Variants in RAB12 observed in about 807,000 individuals in gnomAD.
The protein encoded by RAB12 is ras-related protein Rab-12.
Under a neutral mutation model 28.4 loss-of-function variants are expected in RAB12, and 11 were observed. That is an observed-to-expected ratio of 0.39 (90% CI 0.24 to 0.64). RAB12 has a LOEUF of 0.64. Ranked by LOEUF, RAB12 falls within the 30% of genes least tolerant of loss-of-function variation. RAB12 has a pLI of 0.50. For missense variants in RAB12, 276 were observed against 351.1 expected, an observed-to-expected ratio of 0.79 and a Z score of 1.71; for synonymous variants, 138 against 145.3, an observed-to-expected ratio of 0.95 and a Z score of 0.36.
chr18:8,618,577 T>C (rs1477918779), intron 1 of RAB12, among the ~76,000 whole-genome samples: 1 of 151,942 alleles, frequency 6.6e-6, no homozygotes, highest in Non-Finnish European at 1.5e-5. Flanking sequence ...TGGCGCGATA[T>C]TGGCTCACTG....
chr18:8,637,582 T>A (rs987141464), intron 5 of RAB12, among the ~76,000 whole-genome samples: 1 of 152,292 alleles, frequency 6.6e-6, no homozygotes, highest in South Asian at 2.1e-4. Context: ...TACTTTTTTT[T>A]ATATAATTGT....
At position 8,610,098 on chromosome 18, in the gene RAB12, G is replaced by T. The variant is rs573683177; in HGVS notation, c.514+145G>T. On this transcript the variant is annotated intron_variant, in intron 1 of 5. Coordinates refer to ENST00000649141, the MANE Select transcript of RAB12 (RefSeq NM_001025300.3). ...AACTAGGGGCGGGGGTCTCCTTGGAGCGCCCTGCATCCCAATCCCAAAGCC... is the reference window on the plus strand; with the variant it reads ...AACTAGGGGCGGGGGTCTCCTTGGATCGCCCTGCATCCCAATCCCAAAGCC... 384 of 613,976 alleles carry T rather than the reference G, an allele frequency of 6.3e-4. 3 individuals are homozygous for T. Among genetic ancestry groups the T allele is most frequent in the South Asian group, 5.5e-3 (284 of 51,742 alleles). The allele number at this position is 613,976 out of a possible 1,614,324, so 38.0% of individuals were successfully genotyped here. A position where few individuals can be genotyped will look rare whatever the true frequency, so the allele number is the denominator to read the frequency against.
At chr18:8,637,362 C>A (rs1567898217) in intron 5 of RAB12, among the ~76,000 whole-genome samples, 3 of 151,372 alleles carry the variant, frequency 2.0e-5, no homozygotes, top group African/African-American at 7.3e-5. Context: ...GAATGCAGAC[C>A]ATTTTTAAAA....
chr18:8,624,581 GA>G (rs2096011662), intron 1 of RAB12, among the ~76,000 whole-genome samples: 1 of 152,156 alleles, frequency 6.6e-6, no homozygotes, highest in Middle Eastern at 3.2e-3. Context: ...TTTTCCCTGA[GA>G]AAACATCCTT....
chr18:8,614,049 ATCTT>A (rs1261047010), intron 1 of RAB12, among the ~76,000 whole-genome samples: 1 of 152,204 alleles, frequency 6.6e-6, no homozygotes, highest in Non-Finnish European at 1.5e-5. Context: ...CTTTTTAACT[ATCTT>A]TCTGTCTGTT....
chr18:8,627,321 C>G (rs915696909), intron 2 of RAB12, among the ~76,000 whole-genome samples: 13 of 152,184 alleles, frequency 8.5e-5, no homozygotes, highest in African/African-American at 3.1e-4. Flanking sequence ...GATAGCTCTG[C>G]TCCGATTTTC....
chr18:8,615,827 C>T (rs181961059), intron 1 of RAB12, among the ~76,000 whole-genome samples: 1 of 152,270 alleles, frequency 6.6e-6, no homozygotes, highest in East Asian at 1.9e-4. Context: ...GTGCATTCAG[C>T]CTTTCACTGT....
chr18:8,625,214 A>C (rs966381266), intron 2 of RAB12, among the ~76,000 whole-genome samples: 3 of 152,264 alleles, frequency 2.0e-5, no homozygotes, highest in Non-Finnish European at 4.4e-5. Context: ...AGTTGTGGAC[A>C]GAAGAATGTT....
In RAB12 at chr18:8,639,070, C is replaced by G. The variant is rs994031596; in HGVS notation, c.*808C>G. 6.9e-6 allele frequency: 1 copy of G among 144,690 alleles called. No individual in the cohort carries two copies. The highest frequency in any genetic ancestry group is 7.0e-5 in the Admixed American group (1 of 14,220). The allele number at this position is 144,690 out of a possible 1,614,324, so 9.0% of individuals were successfully genotyped here. ...AAGAACATACGTGTATTTGCCTAAA[C>G]ACTCTGTACCTTTGTAATGATAAAA... On this transcript the variant is annotated 3_prime_UTR_variant, in exon 6 of 6. Transcript: ENST00000649141.
intron 1 of RAB12, 197 bp downstream of exon 1, chr18:8,610,150 G>T (rs1005244718): frequency 1.4e-5 from 7 of 505,886 alleles, no homozygotes; most frequent in Non-Finnish European, 2.5e-5. Context: ...GCCGCCTCCG[G>T]GCAGACCTGC....
intron 1 of RAB12, among the ~76,000 whole-genome samples, chr18:8,617,472 T>G (rs1422919152): frequency 6.6e-6 from 1 of 151,962 alleles, no homozygotes; most frequent in African/African-American, 2.4e-5. Flanking sequence ...TTTTAATCTC[T>G]TCCCTTTAAA....
At chr18:8,633,422 T>C (rs916175561) in intron 3 of RAB12, 95 bp downstream of exon 3, 4 of 1,402,314 alleles carry the variant, frequency 2.9e-6, no homozygotes, top group Non-Finnish European at 4.0e-6. Flanking sequence ...ATTGAGCATG[T>C]TTTCATATAG....
At chr18:8,622,595 A>G (rs1236844420) in intron 1 of RAB12, among the ~76,000 whole-genome samples, 4 of 152,246 alleles carry the variant, frequency 2.6e-5, no homozygotes, top group Non-Finnish European at 5.9e-5. Flanking sequence ...GAGGCAGGGC[A>G]AGATCACAGG....
intron 1 of RAB12, 152 bp downstream of exon 1, chr18:8,610,105 G>A: frequency 3.4e-6 from 2 of 587,326 alleles, no homozygotes; most frequent in Non-Finnish European, 5.9e-6. Context: ...GGAGCGCCCT[G>A]CATCCCAATC....
At chr18:8,624,100 C>CT (rs1274928603) in intron 1 of RAB12, among the ~76,000 whole-genome samples, 1 of 152,258 alleles carries the variant, frequency 6.6e-6, no homozygotes, top group African/African-American at 2.4e-5. Context: ...CGTCTACACC[C>CT]TGGGTCCCAA....
At chr18:8,626,647 C>T (rs1567895515) in intron 2 of RAB12, among the ~76,000 whole-genome samples, 1 of 152,236 alleles carries the variant, frequency 6.6e-6, no homozygotes, top group Non-Finnish European at 1.5e-5. Flanking sequence ...TAAGAGGGCC[C>T]TACCTGATGG....
chr18:8,614,754 T>C (rs774744342), intron 1 of RAB12, among the ~76,000 whole-genome samples: 55 of 151,966 alleles, frequency 3.6e-4, no homozygotes, highest in Middle Eastern at 3.4e-3. Flanking sequence ...CCTGGCTAAT[T>C]TTTGTATTTT....
At position 8,624,980 on chromosome 18, in the gene RAB12, A is replaced by G. The variant is rs751202669; in HGVS notation, c.557A>G (p.Lys186Arg). 6.2e-7 allele frequency: 1 copy of G among 1,603,364 alleles called. No homozygotes were observed. The highest frequency in any genetic ancestry group is 1.1e-5 in the South Asian group (1 of 90,644). Residue 186 changes from lysine to arginine, a missense_variant, in exon 2 of 6, where the codon AAA becomes AGA. Around this residue, in one of 4 missense-constraint regions of RAB12, gnomAD observed 76 missense variants for 117.9 expected, o/e 0.64. Coordinates refer to ENST00000649141, the MANE Select transcript of RAB12 (RefSeq NM_001025300.3). ...KIKTVELRGK[K>R]IRLQIWDTAG... ...AAAACTGTAGAGCTAAGAGGAAAGA[A>G]AATTAGATTACAGATCTGGTAAGTG...
intron 1 of RAB12, among the ~76,000 whole-genome samples, chr18:8,620,139 C>CTTTTTTTTTTT (rs71165795): frequency 4.1e-4 from 22 of 53,946 alleles, no homozygotes; most frequent in South Asian, 1.1e-3. Flanking sequence ...TTTTCTTCTT[C>CTTTTTTTTTTT]TTTTTTTTTT....
Sources: gnomAD v4.1 joint callset for allele counts (sites outside exome capture counted in the v4.1 genomes callset) on GRCh38, gnomAD v4.1.1 for gene constraint, gnomAD v4.1.1 regional missense constraint, MANE v1.5 for transcripts, NCBI Gene and HGNC (gene_info 2026-07-23, HGNC 2026-07-21) for gene names.